Variants in GRM1 observed in about 807,000 individuals in gnomAD.
GRM1 encodes the protein glutamate metabotropic receptor 1.
GRM1 carries 33 observed loss-of-function variants against 90.9 expected under a neutral mutation model. The observed-to-expected ratio is 0.36, with a 90% CI of 0.28 to 0.49. The LOEUF is 0.49. GRM1 is among the 20% of genes least tolerant of loss of function. The pLI is 0.99. For synonymous variants in GRM1, 700 were observed against 613.2 expected (o/e 1.14, Z -2.09); for missense variants, 1,190 against 1,534.3 (o/e 0.78, Z 3.75).
At chr6:146,031,920 A>G (rs1387395210) in intron 1 of GRM1, among the ~76,000 whole-genome samples, 1 of 152,170 alleles carries the variant, frequency 6.6e-6, no homozygotes, top group East Asian at 1.9e-4. Flanking sequence ...TGAGCTAGAT[A>G]ATTGATTATT....
At chr6:146,247,821 A>T (rs1447807855) in intron 2 of GRM1, among the ~76,000 whole-genome samples, 9 of 147,640 alleles carry the variant, frequency 6.1e-5, no homozygotes, top group African/African-American at 2.0e-4. Context: ...TATATATATA[A>T]AATTACATAT....
intron 2 of GRM1, among the ~76,000 whole-genome samples, chr6:146,240,238 G>C (rs1044508417): frequency 2.0e-5 from 3 of 152,002 alleles, no homozygotes; most frequent in South Asian, 4.1e-4. Flanking sequence ...CCGACGTTTT[G>C]ACTGGAAAGG....
At chr6:146,326,417 C>A (rs189159818) in intron 3 of GRM1, among the ~76,000 whole-genome samples, 10 of 152,118 alleles carry the variant, frequency 6.6e-5, no homozygotes, top group African/African-American at 2.2e-4. Context: ...TCGAGGGAAA[C>A]AACACACACT....
At chr6:146,205,624 G>A (rs1162866953) in intron 2 of GRM1, among the ~76,000 whole-genome samples, 2 of 152,092 alleles carry the variant, frequency 1.3e-5, no homozygotes, top group African/African-American at 2.4e-5. Flanking sequence ...TGTCTAAGGA[G>A]GTAAGTGAAA....
intron 2 of GRM1, among the ~76,000 whole-genome samples, chr6:146,267,047 A>G (rs1008709375): frequency 6.6e-6 from 1 of 151,490 alleles, no homozygotes; most frequent in African/African-American, 2.4e-5. Context: ...CCCTCCCCCT[A>G]CCCTCCAACA....
chr6:146,134,653 G>A (rs943694787), intron 1 of GRM1, among the ~76,000 whole-genome samples: 12 of 152,246 alleles, frequency 7.9e-5, no homozygotes, highest in Non-Finnish European at 1.2e-4. Flanking sequence ...AGCATGGACC[G>A]GGTGTGGTGG....
rs371382780 is a variant in GRM1 at position 146,406,695 on chromosome 6, G to A, written c.2660+6996G>A. Among the ~76,000 whole-genome samples, 47 of 152,126 alleles carry A rather than the reference G, an allele frequency of 3.1e-4. 1 individual carries two copies. The highest frequency in any genetic ancestry group is 9.9e-4 in the African/African-American group (41 of 41,502). Reference sequence around the variant, plus strand: ...CATGCAAAAATAAAATTAGCCAGGCGTGGTGGCATGCACCTGTAATCCCAG... The same window carrying A: ...CATGCAAAAATAAAATTAGCCAGGCATGGTGGCATGCACCTGTAATCCCAG... On this transcript the variant is annotated intron_variant, in intron 7 of 7. Transcript: ENST00000282753.
intron 1 of GRM1, among the ~76,000 whole-genome samples, chr6:146,091,334 G>A (rs1339287917): frequency 6.6e-6 from 1 of 152,008 alleles, no homozygotes; most frequent in African/African-American, 2.4e-5. Context: ...GCCGGGGTGA[G>A]TGAGTGCCCC....
intron 2 of GRM1, among the ~76,000 whole-genome samples, chr6:146,291,671 G>T (rs1299952585): frequency 6.6e-6 from 1 of 151,910 alleles, no homozygotes; most frequent in Admixed American, 6.6e-5. Context: ...GATATGCATG[G>T]ATTGGAAAAC....
intron 1 of GRM1, among the ~76,000 whole-genome samples, chr6:146,092,318 C>T (rs1776741227): frequency 6.6e-6 from 1 of 152,078 alleles, no homozygotes; most frequent in East Asian, 1.9e-4. Context: ...GACACTCCTA[C>T]TGGGGACTAG....
intron 2 of GRM1, chr6:146,171,674 C>CA (rs1039516495): frequency 1.4e-5 from 4 of 284,340 alleles, no homozygotes; most frequent in Admixed American, 3.6e-5. Flanking sequence ...AGATGACTGG[C>CA]AACAACTAGA....
chr6:146,250,805 G>A (rs1041016593), intron 2 of GRM1, among the ~76,000 whole-genome samples: 4 of 152,084 alleles, frequency 2.6e-5, no homozygotes, highest in African/African-American at 7.2e-5. Flanking sequence ...AGGTACAGTG[G>A]CATGATAATA....
Position 146,065,843 on chromosome 6 carries a change from A to G in GRM1, c.700+35626A>G, listed in dbSNP as rs141324571. 3.8e-4 allele frequency among the ~76,000 whole-genome samples: 58 copies of G among 152,360 alleles called. 1 individual carries two copies. The East Asian group carries it at 9.4e-3, about 25-fold the overall frequency. Reference sequence around the variant, plus strand: ...AAAAGATTGTATTGTCATTTTCATTAGCAGAAGTACTATTTTGCAAAAGAG... The same window carrying G: ...AAAAGATTGTATTGTCATTTTCATTGGCAGAAGTACTATTTTGCAAAAGAG... On this transcript the variant is annotated intron_variant, in intron 1 of 7. Coordinates refer to ENST00000282753, the MANE Select transcript of GRM1 (RefSeq NM_001278064.2).
intron 2 of GRM1, among the ~76,000 whole-genome samples, chr6:146,235,156 A>G (rs567539486): frequency 2.2e-3 from 333 of 151,840 alleles, no homozygotes; most frequent in Non-Finnish European, 3.8e-3. Flanking sequence ...TCATTCTTTA[A>G]TTTTCCATTG....
intron 1 of GRM1, among the ~76,000 whole-genome samples, chr6:146,098,131 A>T (rs1776933827): frequency 6.6e-6 from 1 of 152,228 alleles, no homozygotes; most frequent in Admixed American, 6.5e-5. Context: ...CTGATTTGAC[A>T]CCATTGTACC....
chr6:146,330,173 C>T (rs1189755655), intron 3 of GRM1, among the ~76,000 whole-genome samples: 3 of 152,140 alleles, frequency 2.0e-5, no homozygotes, highest in East Asian at 1.9e-4. Context: ...GAACCCTGGA[C>T]CTCCCTTTAA....
chr6:146,063,283 T>G (rs532896508), intron 1 of GRM1, among the ~76,000 whole-genome samples: 1 of 152,364 alleles, frequency 6.6e-6, no homozygotes, highest in South Asian at 2.1e-4. Context: ...GAAAATTTTT[T>G]GAAATGGGTT....
At chr6:146,361,486 G>A (rs1278061569) in intron 5 of GRM1, among the ~76,000 whole-genome samples, 1 of 152,190 alleles carries the variant, frequency 6.6e-6, no homozygotes, top group East Asian at 1.9e-4. Context: ...GTGAAGGACA[G>A]GAAAGGGGTA....
intron 3 of GRM1, among the ~76,000 whole-genome samples, chr6:146,319,483 AG>A (rs1403561753): frequency 6.6e-6 from 1 of 152,166 alleles, no homozygotes; most frequent in Non-Finnish European, 1.5e-5. Context: ...AATTTAAAGT[AG>A]TTTTTTCTAA....
Sources: gnomAD v4.1 joint callset for allele counts (sites outside exome capture counted in the v4.1 genomes callset) on GRCh38, gnomAD v4.1.1 for gene constraint, MANE v1.5 for transcripts, NCBI Gene and HGNC (gene_info 2026-07-23, HGNC 2026-07-21) for gene names.